NTN1: variants seen among roughly 807,000 people sequenced by gnomAD.
NTN1 encodes the protein netrin 1.
A neutral mutation model predicts 54.2 loss-of-function variants in NTN1; 11 were observed. The ratio of observed to expected loss-of-function variants is 0.20; its 90% CI spans 0.13 to 0.34. The LOEUF is 0.34. Among genes scored for constraint, NTN1 ranks in the 10% least tolerant of loss-of-function variants. The pLI is 1.00. For missense variants in NTN1, 740 were observed against 893.1 expected (o/e 0.83, Z 2.18); for synonymous variants, 371 against 382.0 (o/e 0.97, Z 0.33).
At chr17:9,107,455 C>G (rs1207753971) in intron 2 of NTN1, among the ~76,000 whole-genome samples, 1 of 152,128 alleles carries the variant, frequency 6.6e-6, no homozygotes, top group Non-Finnish European at 1.5e-5. Flanking sequence ...CCAGATTATA[C>G]ATTGTTAGAA....
chr17:9,072,042 C>T lies in NTN1; in HGVS notation c.1018+48651C>T, dbSNP rs764938929. On this transcript the variant is annotated intron_variant, in intron 2 of 6. Transcript: ENST00000173229. Reference sequence around the variant, plus strand: ...TGAGCACACACGCAGCCCCGAGAGTCGGGAGGGAAGCCGGGGCTGGGAGTA... The same window carrying T: ...TGAGCACACACGCAGCCCCGAGAGTTGGGAGGGAAGCCGGGGCTGGGAGTA... Among the ~76,000 whole-genome samples, 25 of 152,280 alleles carry T rather than the reference C, an allele frequency of 1.6e-4. No individual in the cohort carries two copies. In the Middle Eastern group the frequency reaches 0.01, roughly 62 times the overall value.
chr17:9,213,211 C>G (rs1466248406), intron 5 of NTN1, among the ~76,000 whole-genome samples: 1 of 152,222 alleles, frequency 6.6e-6, no homozygotes, highest in Non-Finnish European at 1.5e-5. Context: ...GCCTCCAGGT[C>G]TCAGTGGCTC....
At chr17:9,183,991 C>T (rs1403272094) in intron 5 of NTN1, among the ~76,000 whole-genome samples, 1 of 152,178 alleles carries the variant, frequency 6.6e-6, no homozygotes, top group Non-Finnish European at 1.5e-5. Flanking sequence ...TGGGGCACCC[C>T]AGCATGGACA....
chr17:9,096,193 G>A (rs2092131416), intron 2 of NTN1, among the ~76,000 whole-genome samples: 2 of 151,940 alleles, frequency 1.3e-5, no homozygotes, highest in African/African-American at 4.8e-5. Flanking sequence ...TGTTTCTTAA[G>A]TTTATATGTG....
At chr17:9,005,070 G>C in the NTN1 span, among the ~76,000 whole-genome samples, 1 of 152,084 alleles carries the variant, frequency 6.6e-6, no homozygotes, top group Non-Finnish European at 1.5e-5. Context: ...AAGGATCCCA[G>C]GCACCGCTCC....
chr17:9,015,922 A>T, the NTN1 span, among the ~76,000 whole-genome samples: 53 of 152,118 alleles, frequency 3.5e-4, no homozygotes, highest in African/African-American at 1.2e-3. Context: ...AATACAAAAA[A>T]AATTAGCCAG....
intron 2 of NTN1, among the ~76,000 whole-genome samples, chr17:9,103,955 G>C (rs1202363481): frequency 6.6e-6 from 1 of 151,854 alleles, no homozygotes; most frequent in Admixed American, 6.6e-5. Flanking sequence ...CAGGTGTGAT[G>C]GTGGATGCCT....
chr17:9,004,216 G>C, the NTN1 span, among the ~76,000 whole-genome samples: 2 of 152,266 alleles, frequency 1.3e-5, no homozygotes, highest in Admixed American at 6.5e-5. Flanking sequence ...CCGCGGCCCA[G>C]ACCCTCCGGA....
intron 5 of NTN1, among the ~76,000 whole-genome samples, chr17:9,202,029 T>TACAC (rs1200661283): frequency 0.03 from 808 of 26,820 alleles, 49 homozygotes; most frequent in African/African-American, 0.063. Flanking sequence ...CTACTAAAAA[T>TACAC]ACACACACAC....
chr17:9,237,847 T>TA (rs1906042198), intron 6 of NTN1, among the ~76,000 whole-genome samples: 1 of 151,714 alleles, frequency 6.6e-6, no homozygotes, highest in Non-Finnish European at 1.5e-5. Context: ...GCTGGAGGGC[T>TA]CCCCCCACCC....
chr17:9,112,229 C>T (rs915264536), intron 2 of NTN1, among the ~76,000 whole-genome samples: 2 of 152,166 alleles, frequency 1.3e-5, no homozygotes, highest in African/African-American at 4.8e-5. Flanking sequence ...GTAGATCCTG[C>T]CTTTTTGAAG....
At chr17:9,020,111 T>A (rs1241151403), upstream of NTN1, among the ~76,000 whole-genome samples, 1 of 152,210 alleles carries the variant, frequency 6.6e-6, no homozygotes, top group Non-Finnish European at 1.5e-5. Flanking sequence ...GAGACGGAGC[T>A]GGGCCAGACG....
the NTN1 span, among the ~76,000 whole-genome samples, chr17:9,011,841 GC>G: frequency 6.6e-6 from 1 of 152,050 alleles, no homozygotes; most frequent in Non-Finnish European, 1.5e-5. Flanking sequence ...ACCCACCTCG[GC>G]CCCCCAGAGT....
intron 5 of NTN1, among the ~76,000 whole-genome samples, chr17:9,207,711 TG>T (rs1332442632): frequency 6.6e-6 from 1 of 152,232 alleles, no homozygotes; most frequent in Non-Finnish European, 1.5e-5. Context: ...GATTGTATCC[TG>T]GGGTCCAGGA....
intron 2 of NTN1, among the ~76,000 whole-genome samples, chr17:9,132,154 A>C (rs1241856725): frequency 6.6e-6 from 1 of 151,652 alleles, no homozygotes; most frequent in Non-Finnish European, 1.5e-5. Context: ...TCTCCAGAGC[A>C]CTCATCCAGT....
intron 2 of NTN1, among the ~76,000 whole-genome samples, chr17:9,156,238 G>T (rs1467018268): frequency 2.8e-5 from 4 of 141,918 alleles, no homozygotes; most frequent in Non-Finnish European, 3.1e-5. Context: ...GCGTGAGTTG[G>T]TTTTTTTTTT....
chr17:9,197,067 T>G (rs951812106), intron 5 of NTN1, among the ~76,000 whole-genome samples: 3 of 151,926 alleles, frequency 2.0e-5, no homozygotes, highest in Non-Finnish European at 4.4e-5. Flanking sequence ...GAGAGCCAGT[T>G]GTCAGACATT....
intron 2 of NTN1, among the ~76,000 whole-genome samples, chr17:9,117,167 C>T (rs187138651): frequency 2.0e-5 from 3 of 152,156 alleles, no homozygotes; most frequent in African/African-American, 4.8e-5. Flanking sequence ...AAGGAAACAG[C>T]GCGTGAATAG....
intron 2 of NTN1, among the ~76,000 whole-genome samples, chr17:9,124,816 C>T (rs2092241235): frequency 6.6e-6 from 1 of 152,162 alleles, no homozygotes; most frequent in Non-Finnish European, 1.5e-5. Flanking sequence ...GTTTACACCC[C>T]GATCTGCCTC....
Sources: allele counts gnomAD v4.1 joint callset (sites outside exome capture counted in the v4.1 genomes callset), GRCh38; gene constraint gnomAD v4.1.1; transcripts MANE v1.5; gene names NCBI Gene and HGNC (gene_info 2026-07-23, HGNC 2026-07-21).